The following SOX5 variants were observed in gnomAD, a reference collection of about 807,000 sequenced individuals.
The protein encoded by SOX5 is transcription factor SOX-5.
A neutral mutation model predicts 92.0 loss-of-function variants in SOX5; 9 were observed. That is an observed-to-expected ratio of 0.10 (90% CI 0.06 to 0.17). SOX5 has a LOEUF of 0.17. Among genes scored for constraint, SOX5 ranks in the 10% least tolerant of loss-of-function variants. SOX5 has a pLI of 1.00. For synonymous variants in SOX5, 344 were observed against 336.3 expected (o/e 1.02, Z -0.25); for missense variants, 642 against 944.5 (o/e 0.68, Z 4.20).
intron 4 of SOX5, among the ~76,000 whole-genome samples, chr12:24,159,287 A>G (rs576725045): frequency 6.6e-6 from 1 of 152,088 alleles, no homozygotes; most frequent in African/African-American, 2.4e-5. Context: ...CCAGAAGTTA[A>G]GTAAAACAAG....
chr12:23,980,510 T>TAAC (rs1224408584), intron 4 of SOX5, among the ~76,000 whole-genome samples: 1 of 152,126 alleles, frequency 6.6e-6, no homozygotes, highest in Non-Finnish European at 1.5e-5. Context: ...TGTTGGGAGG[T>TAAC]AACATCAACA....
chr12:23,889,597 A>G (rs551550456), intron 2 of SOX5, among the ~76,000 whole-genome samples: 1 of 152,290 alleles, frequency 6.6e-6, no homozygotes, highest in Admixed American at 6.5e-5. Flanking sequence ...TGTGCATTGA[A>G]TGAATTCTTT....
chr12:24,482,045 T>C (rs942892746), intron 1 of SOX5, among the ~76,000 whole-genome samples: 3 of 152,170 alleles, frequency 2.0e-5, no homozygotes, highest in Non-Finnish European at 4.4e-5. Context: ...AACATGTGAA[T>C]AGAAGAATTA....
rs538997471 is a variant in SOX5 at position 23,554,727 on chromosome 12, G to GTGAT, written c.1489-8307_1489-8304dup. On this transcript the variant is annotated intron_variant, in intron 11 of 14. Transcript: ENST00000451604. The stretch of plus-strand genomic sequence containing the variant: ...TTATTGGTAAAAGAGGAGAAGAGAT[G>GTGAT]TGATTGGAAAGATTCAATGAGACCC... Among the ~76,000 whole-genome samples, 81 of 152,268 alleles carry GTGAT rather than the reference G, an allele frequency of 5.3e-4. 1 individual carries two copies. The highest frequency in any genetic ancestry group is 6.8e-3 in the Middle Eastern group (2 of 294).
chr12:24,380,424 A>G (rs896039451), intron 1 of SOX5, among the ~76,000 whole-genome samples: 1 of 152,256 alleles, frequency 6.6e-6, no homozygotes, highest in Non-Finnish European at 1.5e-5. Flanking sequence ...CTTGAGAATG[A>G]CTTGAATTTT....
rs61575999 is a variant in SOX5, at chr12:23,759,030, G to GACACACACACACACAC, written c.482-3322_482-3307dup. ...CACAAAACACACACACACACACACA[G>GACACACACACACACAC]ACACACACACACACACACACACACA... On this transcript the variant is annotated intron_variant, in intron 3 of 14. Coordinates refer to ENST00000451604, the MANE Select transcript of SOX5 (RefSeq NM_006940.6). 3.0e-3 allele frequency among the ~76,000 whole-genome samples: 437 copies of GACACACACACACACAC among 146,316 alleles called. 2 individuals are homozygous for GACACACACACACACAC. Among genetic ancestry groups the GACACACACACACACAC allele is most frequent in the African/African-American group, 1.0e-2 (387 of 38,744 alleles).
At chr12:23,631,052 G>T (rs1334845468) in intron 8 of SOX5, among the ~76,000 whole-genome samples, 1 of 151,940 alleles carries the variant, frequency 6.6e-6, no homozygotes, top group Non-Finnish European at 1.5e-5. Flanking sequence ...AATGCAATTT[G>T]TATGTCCCAG....
At chr12:23,744,404 T>A (rs1308476211) in intron 4 of SOX5, among the ~76,000 whole-genome samples, 1 of 152,122 alleles carries the variant, frequency 6.6e-6, no homozygotes, top group Non-Finnish European at 1.5e-5. Context: ...TCTGAGGGTG[T>A]ATCTCAGTCA....
intron 3 of SOX5, among the ~76,000 whole-genome samples, chr12:23,783,841 G>T (rs1321345823): frequency 6.6e-6 from 1 of 152,162 alleles, no homozygotes; most frequent in Non-Finnish European, 1.5e-5. Context: ...AACAAATACA[G>T]ATAATTTACC....
chr12:23,674,935 G>A (rs1489853460), intron 6 of SOX5, among the ~76,000 whole-genome samples: 4 of 152,004 alleles, frequency 2.6e-5, no homozygotes, highest in African/African-American at 7.2e-5. Flanking sequence ...CATAGTAATT[G>A]CCATTTGGTG....
chr12:24,519,876 AC>A (rs1950115522), intron 1 of SOX5, among the ~76,000 whole-genome samples: 1 of 152,136 alleles, frequency 6.6e-6, no homozygotes. Context: ...AGACTGAGGC[AC>A]ATTACAATCA....
chr12:23,709,178 T>G (rs2091782825), intron 6 of SOX5, among the ~76,000 whole-genome samples: 1 of 152,142 alleles, frequency 6.6e-6, no homozygotes, highest in African/African-American at 2.4e-5. Flanking sequence ...CAGAGCTCAC[T>G]TCAGCCTCTA....
chr12:24,515,665 C>T (rs1487063003), intron 1 of SOX5, among the ~76,000 whole-genome samples: 1 of 152,192 alleles, frequency 6.6e-6, no homozygotes, highest in African/African-American at 2.4e-5. Flanking sequence ...CTTACCAATT[C>T]ACCTAGCACC....
intron 8 of SOX5, among the ~76,000 whole-genome samples, chr12:23,611,743 CATGGATTAGGAG>C (rs372680701): frequency 1.3e-5 from 2 of 152,032 alleles, no homozygotes; most frequent in African/African-American, 4.8e-5. Flanking sequence ...TTACTTCAGG[CATGGATTAGGAG>C]ATGGAGATAT....
At chr12:24,035,291 C>T (rs1955914074) in intron 4 of SOX5, among the ~76,000 whole-genome samples, 1 of 152,006 alleles carries the variant, frequency 6.6e-6, no homozygotes, top group Non-Finnish European at 1.5e-5. Flanking sequence ...AAAAGCTAAC[C>T]AATGATAACA....
intron 8 of SOX5, chr12:23,637,935 C>T (rs1218027464): frequency 6.6e-6 from 1 of 152,302 alleles, no homozygotes; most frequent in African/African-American, 2.4e-5. Context: ...TGTACTACCA[C>T]CACAGCTCTA....
At chr12:23,672,241 CTCCT>C (rs2084909941) in intron 6 of SOX5, among the ~76,000 whole-genome samples, 1 of 152,142 alleles carries the variant, frequency 6.6e-6, no homozygotes, top group African/African-American at 2.4e-5. Flanking sequence ...ATTCCTACCC[CTCCT>C]AAATGAAACC....
chr12:23,876,344 G>C (rs999258675), intron 2 of SOX5, among the ~76,000 whole-genome samples: 1 of 152,060 alleles, frequency 6.6e-6, no homozygotes, highest in Admixed American at 6.5e-5. Context: ...CTCAAAAGAA[G>C]ATATTTATGC....
intron 4 of SOX5, among the ~76,000 whole-genome samples, chr12:24,159,254 A>G (rs1409264277): frequency 6.6e-6 from 1 of 151,896 alleles, no homozygotes; most frequent in African/African-American, 2.4e-5. Context: ...GAACTATTAC[A>G]ATGTGTCAGG....
Sources: gnomAD v4.1 joint callset for allele counts (sites outside exome capture counted in the v4.1 genomes callset) on GRCh38, gnomAD v4.1.1 for gene constraint, MANE v1.5 for transcripts, NCBI Gene and HGNC (gene_info 2026-07-23, HGNC 2026-07-21) for gene names.